UBAP2L: variants seen among roughly 807,000 people sequenced by gnomAD.
UBAP2L encodes ubiquitin associated protein 2 like, also known as ubiquitin-associated protein 2-like.
In UBAP2L, 12 loss-of-function variants were observed where a neutral mutation model predicts 130.6. That is an observed-to-expected ratio of 0.09 (90% confidence interval 0.06 to 0.15). The LOEUF is 0.15. Among genes scored for constraint, UBAP2L ranks in the 10% least tolerant of loss-of-function variants. The pLI is 1.00. For missense variants in UBAP2L, 965 were observed against 1,332.5 expected (o/e 0.72, Z 4.29); for synonymous variants, 503 against 524.7 (o/e 0.96, Z 0.57).
rs570013387 is a variant in UBAP2L, at chr1:154,265,758, C to A, written c.2903-743C>A. On this transcript the variant is annotated intron_variant, in intron 24 of 26. Transcript: ENST00000428931. ...TTGGGGTATGAGAGCTTTTATCTTA[C>A]GGAGAAGCTGAAGTTGTATACTGAA... 4.0e-5 allele frequency among the ~76,000 whole-genome samples: 6 copies of A among 149,102 alleles called. No homozygotes were observed. The East Asian group carries it at 1.2e-3, about 29-fold the overall frequency.
chr1:154,269,229 C>T (rs1012573674), intron 26 of UBAP2L: 1 of 969,930 alleles, frequency 1.0e-6, no homozygotes, highest in African/African-American at 1.6e-5. Context: ...TCCCATCAGA[C>T]CTGGGTCACA....
chr1:154,267,011 T>G (rs979040593), intron 25 of UBAP2L, among the ~76,000 whole-genome samples: 1 of 152,174 alleles, frequency 6.6e-6, no homozygotes, highest in Non-Finnish European at 1.5e-5. Flanking sequence ...AGGTTTGTTA[T>G]GTTGCTTTTA....
intron 11 of UBAP2L, among the ~76,000 whole-genome samples, 197 bp downstream of exon 11, chr1:154,246,572 G>C (rs544469482): frequency 6.6e-6 from 1 of 152,312 alleles, no homozygotes; most frequent in South Asian, 2.1e-4. Context: ...TGGACAGACT[G>C]AATATTCTTA....
chr1:154,253,331 G>T (rs189862667), intron 14 of UBAP2L, among the ~76,000 whole-genome samples: 100 of 151,732 alleles, frequency 6.6e-4, no homozygotes, highest in African/African-American at 1.8e-3. Context: ...CAAAATGTAG[G>T]GGGGAGCCAA....
chr1:154,230,454 AT>A (rs1669481171), intron 4 of UBAP2L, among the ~76,000 whole-genome samples: 1 of 152,252 alleles, frequency 6.6e-6, no homozygotes, highest in African/African-American at 2.4e-5. Flanking sequence ...CAAAAGTGTT[AT>A]CCTGGATTAA....
intron 15 of UBAP2L, chr1:154,254,588 A>AT: frequency 3.6e-6 from 2 of 558,134 alleles, no homozygotes; most frequent in Non-Finnish European, 6.2e-6. Flanking sequence ...GTCTTCAACA[A>AT]TTTGTAGGGT....
intron 4 of UBAP2L, among the ~76,000 whole-genome samples, chr1:154,229,599 G>A (rs751998797): frequency 1.3e-5 from 2 of 151,988 alleles, no homozygotes; most frequent in Non-Finnish European, 2.9e-5. Flanking sequence ...GAGTAGCTGG[G>A]ACCACAGGCA....
intron 25 of UBAP2L, among the ~76,000 whole-genome samples, chr1:154,267,952 C>T (rs1260914595): frequency 8.1e-6 from 1 of 123,486 alleles, no homozygotes; most frequent in African/African-American, 3.1e-5. Context: ...TGTAATGGTG[C>T]GATCTGGGCT....
intron 21 of UBAP2L, 74 bp from the exon 22 acceptor site, chr1:154,259,874 C>T: frequency 6.8e-7 from 1 of 1,465,964 alleles, no homozygotes; most frequent in Non-Finnish European, 9.6e-7. Flanking sequence ...TCTGTTTTTT[C>T]CTCCGTGGAA....
intron 4 of UBAP2L, among the ~76,000 whole-genome samples, chr1:154,230,655 C>A (rs971831841): frequency 6.6e-6 from 1 of 152,162 alleles, no homozygotes; most frequent in Admixed American, 6.5e-5. Context: ...CTTCCAGCAT[C>A]TTCTGTCTAG....
At chr1:154,220,645 A>G (rs1354932214), upstream of UBAP2L, 2 of 576,098 alleles carry the variant, frequency 3.5e-6, no homozygotes, top group South Asian at 2.0e-5. Context: ...AATGGCACCC[A>G]GGAGCGTCGA....
intron 12 of UBAP2L, 69 bp from the exon 13 acceptor site, chr1:154,250,972 G>A (rs940540788): frequency 2.0e-6 from 3 of 1,518,104 alleles, no homozygotes; most frequent in African/African-American, 2.8e-5. Flanking sequence ...TGGTGCTAGT[G>A]CAGGACAATA....
chr1:154,257,683 A>C (rs994618587), intron 20 of UBAP2L: 6 of 468,210 alleles, frequency 1.3e-5, no homozygotes, highest in African/African-American at 7.9e-5. Context: ...TTAAGGGTCA[A>C]CTGTAATTAA....
intron 16 of UBAP2L, 31 bp downstream of exon 16, chr1:154,254,921 A>T: frequency 3.2e-6 from 5 of 1,582,914 alleles, no homozygotes; most frequent in Admixed American, 2.0e-5. Flanking sequence ...TCCCCTCCTA[A>T]GTTTCTGGTT....
At chr1:154,223,604 G>C (rs906023337) in intron 1 of UBAP2L, among the ~76,000 whole-genome samples, 1 of 151,786 alleles carries the variant, frequency 6.6e-6, no homozygotes, top group Non-Finnish European at 1.5e-5. Context: ...ATCCTTTCTA[G>C]CTTGAAATAC....
chr1:154,265,244 T>G (rs1240932217), intron 24 of UBAP2L, among the ~76,000 whole-genome samples: 3 of 152,176 alleles, frequency 2.0e-5, no homozygotes, highest in Non-Finnish European at 4.4e-5. Context: ...TCTGAGGCAT[T>G]GGGAGGATTT....
At chr1:154,228,228 T>C (rs10797058) in intron 3 of UBAP2L, among the ~76,000 whole-genome samples, 98,613 of 151,246 alleles carry the variant, frequency 0.65, 33,217 homozygotes, top group East Asian at 0.96. Flanking sequence ...TGCTCTGTGG[T>C]CCAGGCTAGA....
chr1:154,237,238 A>G, intron 8 of UBAP2L, 102 bp downstream of exon 8: 1 of 1,109,944 alleles, frequency 9.0e-7, no homozygotes, highest in Non-Finnish European at 1.3e-6. Context: ...GTGTTTGGTT[A>G]TGGAGATAGG....
chr1:154,270,986 C>T (rs1285453249), downstream of UBAP2L: 11 of 1,532,274 alleles, frequency 7.2e-6, no homozygotes, highest in South Asian at 4.8e-5. Context: ...ATGAAATCTT[C>T]GCCCTTTAAG....
Sources: gnomAD v4.1 joint callset for allele counts (sites outside exome capture counted in the v4.1 genomes callset) on GRCh38, gnomAD v4.1.1 for gene constraint, MANE v1.5 for transcripts, NCBI Gene and HGNC (gene_info 2026-07-23, HGNC 2026-07-21) for gene names.